Variants in TBC1D22A observed in about 807,000 individuals in gnomAD.
TBC1D22A encodes TBC1 domain family member 22A, also known as putative GTPase activator.
Under a neutral mutation model 60.2 loss-of-function variants are expected in TBC1D22A, and 38 were observed. The ratio of observed to expected loss-of-function variants is 0.63; its 90% CI spans 0.49 to 0.83. TBC1D22A has a LOEUF of 0.83. Among genes scored for constraint, TBC1D22A ranks in the 40% least tolerant of loss-of-function variants. TBC1D22A has a pLI of 0.00. For synonymous variants in TBC1D22A, 302 were observed against 281.7 expected (o/e 1.07, Z -0.72); for missense variants, 628 against 701.0 (o/e 0.90, Z 1.18).
chr22:46,998,193 G>A (rs1361425385), intron 10 of TBC1D22A, among the ~76,000 whole-genome samples: 1 of 152,062 alleles, frequency 6.6e-6, no homozygotes. Flanking sequence ...ATGTTTAAGT[G>A]GGGGCTTTGA....
intron 11 of TBC1D22A, among the ~76,000 whole-genome samples, chr22:47,060,738 A>G (rs1241654070): frequency 6.6e-6 from 1 of 152,184 alleles, no homozygotes; most frequent in Non-Finnish European, 1.5e-5. Flanking sequence ...TAATTGCCAA[A>G]TTACATAGGA....
chr22:46,803,570 A>G (rs2084995770), intron 4 of TBC1D22A, among the ~76,000 whole-genome samples: 1 of 152,166 alleles, frequency 6.6e-6, no homozygotes, highest in South Asian at 2.1e-4. Context: ...CCTGGGCTTC[A>G]TGACCACAGC....
chr22:47,114,338 C>T (rs145207035), intron 12 of TBC1D22A, among the ~76,000 whole-genome samples: 5 of 151,692 alleles, frequency 3.3e-5, no homozygotes, highest in Admixed American at 3.3e-4. Flanking sequence ...AGTGGGGAAC[C>T]GGGAGGAGGC....
intron 11 of TBC1D22A, among the ~76,000 whole-genome samples, chr22:47,050,510 C>G (rs1339723681): frequency 1.3e-5 from 2 of 152,186 alleles, no homozygotes; most frequent in African/African-American, 4.8e-5. Context: ...TGGTGTCTTT[C>G]TGGGACATTT....
rs984489077 is a variant in TBC1D22A, at chr22:47,005,185, A to G, written c.1201+7476A>G. On this transcript the variant is annotated intron_variant, in intron 10 of 12. Coordinates refer to ENST00000337137, the MANE Select transcript of TBC1D22A (RefSeq NM_014346.5). ...CACATACCACTATACACACGTGCCT[A>G]TACACACCTGCTATATATCCACACC... Among the ~76,000 whole-genome samples, 17 of 151,804 alleles carry G rather than the reference A, an allele frequency of 1.1e-4. No individual in the cohort carries two copies. In the South Asian group the frequency reaches 1.9e-3, roughly 17 times the overall value.
chr22:47,172,857 T>C (rs551738814), intron 12 of TBC1D22A, among the ~76,000 whole-genome samples: 2 of 152,298 alleles, frequency 1.3e-5, no homozygotes, highest in South Asian at 2.1e-4. Flanking sequence ...GAGGGGCCAG[T>C]TGGCGCTTTG....
At chr22:47,029,331 C>T (rs569509885) in intron 10 of TBC1D22A, among the ~76,000 whole-genome samples, 1 of 152,202 alleles carries the variant, frequency 6.6e-6, no homozygotes, top group South Asian at 2.1e-4. Context: ...CGCTTCCATA[C>T]CCCTCCCAAT....
chr22:46,973,350 G>A (rs1023824944), intron 8 of TBC1D22A, among the ~76,000 whole-genome samples: 1 of 152,218 alleles, frequency 6.6e-6, no homozygotes, highest in African/African-American at 2.4e-5. Flanking sequence ...GGTGACAGCA[G>A]AGTGGTGACA....
chr22:46,965,599 T>G (rs969874127), intron 8 of TBC1D22A, among the ~76,000 whole-genome samples: 1 of 152,250 alleles, frequency 6.6e-6, no homozygotes, highest in Non-Finnish European at 1.5e-5. Flanking sequence ...GTTACTTGTG[T>G]CAGTGGGGGA....
chr22:46,911,417 TG>T (rs1463896515), intron 7 of TBC1D22A, among the ~76,000 whole-genome samples: 2 of 152,196 alleles, frequency 1.3e-5, no homozygotes, highest in Non-Finnish European at 2.9e-5. Flanking sequence ...TCCACTCATC[TG>T]CTCGCCTGCT....
intron 4 of TBC1D22A, among the ~76,000 whole-genome samples, chr22:46,847,061 G>T (rs2087032133): frequency 6.6e-6 from 1 of 152,198 alleles, no homozygotes; most frequent in African/African-American, 2.4e-5. Context: ...CTTATCGGCT[G>T]TGCAACTAAT....
intron 9 of TBC1D22A, among the ~76,000 whole-genome samples, chr22:46,979,691 C>T (rs1366413593): frequency 6.6e-6 from 1 of 152,212 alleles, no homozygotes; most frequent in Non-Finnish European, 1.5e-5. Context: ...ATTGGGAACA[C>T]AGTGACGGTT....
chr22:46,984,473 CT>C, intron 9 of TBC1D22A, among the ~76,000 whole-genome samples: 1 of 139,858 alleles, frequency 7.2e-6, no homozygotes, highest in Non-Finnish European at 1.5e-5. Context: ...TTTTGCCAGT[CT>C]TTTCATTTCA....
chr22:46,933,639 C>T (rs1005607932), intron 8 of TBC1D22A, among the ~76,000 whole-genome samples: 1 of 151,964 alleles, frequency 6.6e-6, no homozygotes, highest in Non-Finnish European at 1.5e-5. Flanking sequence ...GGGGGGTTGG[C>T]CCCCTGTGCC....
intron 9 of TBC1D22A, among the ~76,000 whole-genome samples, chr22:46,976,776 C>T (rs2074314556): frequency 6.6e-6 from 1 of 152,206 alleles, no homozygotes; most frequent in South Asian, 2.1e-4. Context: ...CCGGCCTCCA[C>T]CAGTTGTTCC....
intron 4 of TBC1D22A, among the ~76,000 whole-genome samples, chr22:46,869,291 C>A (rs1336136457): frequency 3.9e-5 from 6 of 152,244 alleles, no homozygotes; most frequent in African/African-American, 1.4e-4. Flanking sequence ...GACCACCCCT[C>A]CTCTGGTGAC....
At chr22:47,052,306 C>T (rs922312313) in intron 11 of TBC1D22A, among the ~76,000 whole-genome samples, 7 of 152,220 alleles carry the variant, frequency 4.6e-5, no homozygotes, top group African/African-American at 1.4e-4. Flanking sequence ...GGGTGCCCAT[C>T]GGCCATGCGG....
At chr22:46,918,116 C>T (rs1295645162) in intron 8 of TBC1D22A, among the ~76,000 whole-genome samples, 2 of 152,208 alleles carry the variant, frequency 1.3e-5, no homozygotes, top group Non-Finnish European at 2.9e-5. Context: ...GCAAAAACAG[C>T]TTAGAACCAG....
chr22:46,895,414 C>T lies in TBC1D22A; in HGVS notation c.900+568C>T, dbSNP rs149062427. ...TAGAGACAAGAGTCTTGCTCTGTCGCCCAGGCTGGAGTACAGTGGTATGAT... is the reference window on the plus strand; with the variant it reads ...TAGAGACAAGAGTCTTGCTCTGTCGTCCAGGCTGGAGTACAGTGGTATGAT... On this transcript the variant is annotated intron_variant, in intron 7 of 12. Coordinates refer to ENST00000337137, the MANE Select transcript of TBC1D22A (RefSeq NM_014346.5). Among the ~76,000 whole-genome samples the T allele has an allele frequency of 5.2e-4, 79 of 152,234 alleles. 5 individuals carry two copies. In the East Asian group the frequency reaches 0.015, roughly 29 times the overall value.
Sources: allele counts gnomAD v4.1 joint callset (sites outside exome capture counted in the v4.1 genomes callset), GRCh38; gene constraint gnomAD v4.1.1; transcripts MANE v1.5; gene names NCBI Gene and HGNC (gene_info 2026-07-23, HGNC 2026-07-21).